The following PLXNA2 variants were observed in gnomAD, a reference collection of about 807,000 sequenced individuals.
The protein encoded by PLXNA2 is plexin A2, also known as plexin-A2.
A neutral mutation model predicts 193.5 loss-of-function variants in PLXNA2; 91 were observed. The ratio of observed to expected loss-of-function variants is 0.47; its 90% CI spans 0.40 to 0.56. The LOEUF (loss-of-function observed/expected upper bound fraction) is 0.56, where lower values mean the gene tolerates loss of function less well. PLXNA2 is among the 20% of genes least tolerant of loss of function. The pLI, the probability that PLXNA2 is intolerant of heterozygous loss-of-function variation, is 0.00. For missense variants in PLXNA2, 1,995 were observed against 2,503.2 expected (o/e 0.80, Z 4.33); for synonymous variants, 997 against 1,027.3 (o/e 0.97, Z 0.56).
intron 4 of PLXNA2, among the ~76,000 whole-genome samples, chr1:208,123,877 T>C (rs1013174134): frequency 6.6e-6 from 1 of 152,192 alleles, no homozygotes; most frequent in Admixed American, 6.5e-5. Flanking sequence ...CTTTCTTCTA[T>C]AACTGAAGTG....
intron 4 of PLXNA2, among the ~76,000 whole-genome samples, chr1:208,116,063 C>T (rs1177142803): frequency 1.3e-5 from 2 of 152,236 alleles, no homozygotes; most frequent in Non-Finnish European, 2.9e-5. Context: ...TCCTGCCAGG[C>T]TGGCCTCCTC....
intron 26 of PLXNA2, among the ~76,000 whole-genome samples, chr1:208,036,700 T>C (rs894817793): frequency 6.6e-6 from 1 of 152,198 alleles, no homozygotes; most frequent in African/African-American, 2.4e-5. Flanking sequence ...AGGGCTAGCA[T>C]GTGGGAAGTG....
Position 208,038,997 on chromosome 1 carries a change from G to T in PLXNA2, c.4501-13C>A, listed in dbSNP as rs745645340. 3.5e-5 allele frequency: 57 copies of T among 1,612,190 alleles called. 1 individual carries two copies. The South Asian group carries it at 6.2e-4, about 17-fold the overall frequency. On this transcript the variant is annotated splice_polypyrimidine_tract_variant and intron_variant, in intron 24 of 31. Coordinates refer to ENST00000367033, the MANE Select transcript of PLXNA2 (RefSeq NM_025179.4). The surrounding 1 kb of genome is among the most constrained non-coding windows in gnomAD (Gnocchi z 4.1). ...CGCAGTTCAGGATCTACAAGTAGGG[G>T]ACAGAGGGTGAGCAGGACAGGAGTT...
At chr1:208,060,635 G>T in intron 13 of PLXNA2, 51 bp downstream of exon 13, 2 of 1,530,822 alleles carry the variant, frequency 1.3e-6, no homozygotes, top group Non-Finnish European at 1.8e-6. Flanking sequence ...AGAGTCTCCA[G>T]TCTCCACTCT....
At chr1:208,198,960 A>C (rs74155203) in intron 3 of PLXNA2, among the ~76,000 whole-genome samples, 3,933 of 152,316 alleles carry the variant, frequency 0.026, 170 homozygotes, top group African/African-American at 0.087. Flanking sequence ...TACAATTTGC[A>C]AGGGTTGATG....
At chr1:208,111,157 T>C (rs1281970470) in intron 4 of PLXNA2, among the ~76,000 whole-genome samples, 1 of 152,106 alleles carries the variant, frequency 6.6e-6, no homozygotes, top group African/African-American at 2.4e-5. Flanking sequence ...CTCAACGGAT[T>C]CTCTTGCCTC....
intron 21 of PLXNA2, 57 bp downstream of exon 21, chr1:208,043,004 A>C (rs1664925738): frequency 3.2e-6 from 5 of 1,584,474 alleles, no homozygotes; most frequent in Non-Finnish European, 4.3e-6. Flanking sequence ...TGGATTTCCT[A>C]GGATACCCTG....
At chr1:208,181,578 C>G (rs1558232357) in intron 3 of PLXNA2, among the ~76,000 whole-genome samples, 1 of 152,218 alleles carries the variant, frequency 6.6e-6, no homozygotes, top group Non-Finnish European at 1.5e-5. Flanking sequence ...CTTCCCTCCT[C>G]CCTAGAGAGG....
intron 15 of PLXNA2, 127 bp downstream of exon 15, chr1:208,052,200 T>A: frequency 3.5e-6 from 3 of 859,514 alleles, no homozygotes; most frequent in Non-Finnish European, 5.5e-6. Context: ...GTATGGTATT[T>A]GGGTCTAGGT....
intron 3 of PLXNA2, among the ~76,000 whole-genome samples, chr1:208,148,373 C>T (rs1052803639): frequency 6.6e-6 from 1 of 152,142 alleles, no homozygotes; most frequent in Non-Finnish European, 1.5e-5. Flanking sequence ...AAGGCATCAC[C>T]ACACAGAAGG....
intron 14 of PLXNA2, 84 bp downstream of exon 14, chr1:208,054,337 G>C (rs1665356525): frequency 1.5e-5 from 13 of 872,238 alleles, no homozygotes; most frequent in Non-Finnish European, 2.3e-5. Flanking sequence ...GTGGTGGAGG[G>C]GAGTGGGGGC....
Position 208,033,480 on chromosome 1 carries a change from C to T in PLXNA2, c.4894G>A (p.Asp1632Asn), listed in dbSNP as rs1361152426. Residue 1632 changes from aspartate to asparagine, a missense_variant, in exon 28 of 32, where the codon GAC becomes AAC. By Grantham distance (23) the Asp-to-Asn change is conservative. Coordinates refer to ENST00000367033, the MANE Select transcript of PLXNA2 (RefSeq NM_025179.4). ...ATCGGGGCCCGGGACCGCAGGCTGT[C>T]GGGGCTGCCCGTATACCTGAAGGAG... Reference protein sequence around the residue: ...DSSFRYTGSPDSLRSRAPMIT... With the variant: ...DSSFRYTGSPNSLRSRAPMIT... 6 of 1,612,184 alleles carry T rather than the reference C, an allele frequency of 3.7e-6. No homozygotes were observed. Among genetic ancestry groups the T allele is most frequent in the South Asian group, 1.1e-5 (1 of 90,926 alleles).
intron 1 of PLXNA2, among the ~76,000 whole-genome samples, chr1:208,219,129 C>T (rs1671238723): frequency 6.6e-6 from 1 of 152,198 alleles, no homozygotes; most frequent in Non-Finnish European, 1.5e-5. Flanking sequence ...TACTCTTCCC[C>T]CTGCCTCCTG....
intron 4 of PLXNA2, among the ~76,000 whole-genome samples, chr1:208,108,090 G>A (rs1435836705): frequency 6.6e-6 from 1 of 152,152 alleles, no homozygotes; most frequent in Non-Finnish European, 1.5e-5. Context: ...ATTCAGCGGG[G>A]CTGAAGATAC....
At chr1:208,049,661 T>C (rs1194567674) in intron 17 of PLXNA2, among the ~76,000 whole-genome samples, 1 of 152,252 alleles carries the variant, frequency 6.6e-6, no homozygotes, top group Non-Finnish European at 1.5e-5. Flanking sequence ...CAGTCACCTG[T>C]ATGATTGGGG....
At chr1:208,142,092 T>C (rs185025937) in intron 4 of PLXNA2, among the ~76,000 whole-genome samples, 1 of 152,354 alleles carries the variant, frequency 6.6e-6, no homozygotes, top group African/African-American at 2.4e-5. Flanking sequence ...GCAGGGCTGT[T>C]CATCACTTAC....
rs1163801895 is a variant in PLXNA2, at chr1:208,026,137, C to T, written c.*1106G>A. 2 of 152,604 alleles carry T rather than the reference C, an allele frequency of 1.3e-5. No homozygotes were observed. Among genetic ancestry groups the T allele is most frequent in the Non-Finnish European group, 2.9e-5 (2 of 68,036 alleles). 9.5% of individuals were successfully genotyped at this position (152,604 alleles called of 1,614,324 possible). The stretch of plus-strand genomic sequence containing the variant: ...GGGACCACTGGATGATTGGAGTGAA[C>T]TCCAAAGTCAAACACCTATGTCTCC... On this transcript the variant is annotated 3_prime_UTR_variant, in exon 32 of 32. Coordinates refer to ENST00000367033, the MANE Select transcript of PLXNA2 (RefSeq NM_025179.4).
At chr1:208,105,982 T>C (rs1667258410) in intron 4 of PLXNA2, among the ~76,000 whole-genome samples, 1 of 151,978 alleles carries the variant, frequency 6.6e-6, no homozygotes, top group Non-Finnish European at 1.5e-5. Flanking sequence ...TCACGCCAAG[T>C]GCCACGGAGA....
chr1:208,089,210 C>T (rs1452307990), intron 9 of PLXNA2, among the ~76,000 whole-genome samples: 1 of 152,158 alleles, frequency 6.6e-6, no homozygotes, highest in Admixed American at 6.5e-5. Flanking sequence ...ACCACTGACC[C>T]ATCTTCTATG....
Sources: allele counts gnomAD v4.1 joint callset (sites outside exome capture counted in the v4.1 genomes callset), GRCh38; gene constraint gnomAD v4.1.1; non-coding constraint Gnocchi (gnomAD v3.1); transcripts MANE v1.5; gene names NCBI Gene and HGNC (gene_info 2026-07-23, HGNC 2026-07-21).